PDE4D: variants seen among roughly 807,000 people sequenced by gnomAD.
PDE4D encodes the protein phosphodiesterase 4D, also known as 3',5'-cyclic-AMP phosphodiesterase 4D.
A neutral mutation model predicts 87.4 loss-of-function variants in PDE4D; 24 were observed. That is an observed-to-expected ratio of 0.27 (90% CI 0.20 to 0.39). The LOEUF is 0.39. Ranked by LOEUF, PDE4D falls within the 10% of genes least tolerant of loss-of-function variation. The pLI is 1.00. For missense variants in PDE4D, 714 were observed against 1,041.0 expected (o/e 0.69, Z 4.32); for synonymous variants, 384 against 383.2 (o/e 1.00, Z -0.02).
At chr5:59,576,565 T>C (rs1166143461) in intron 1 of PDE4D, among the ~76,000 whole-genome samples, 2 of 152,108 alleles carry the variant, frequency 1.3e-5, no homozygotes, top group Admixed American at 1.3e-4. Context: ...AAGTACCTAT[T>C]AAGTACAACA....
At chr5:60,357,933 T>G (rs1409200297) in intron 1 of PDE4D, among the ~76,000 whole-genome samples, 1 of 152,216 alleles carries the variant, frequency 6.6e-6, no homozygotes, top group South Asian at 2.1e-4. Flanking sequence ...GACCCTGCCT[T>G]TATTAACAAA....
chr5:59,017,763 C>T (rs1754332885), intron 6 of PDE4D, among the ~76,000 whole-genome samples: 1 of 152,140 alleles, frequency 6.6e-6, no homozygotes, highest in Non-Finnish European at 1.5e-5. Context: ...GAATTTAGTA[C>T]TCCTAGTTGG....
intron 6 of PDE4D, among the ~76,000 whole-genome samples, chr5:59,003,368 CA>C (rs1750929210): frequency 2.0e-5 from 3 of 152,206 alleles, no homozygotes; most frequent in Admixed American, 2.0e-4. Flanking sequence ...ATACAGCTGA[CA>C]ATCCCATCTC....
At position 60,363,866 on chromosome 5, in the gene PDE4D, G is replaced by T. The variant is rs575832568; in HGVS notation, c.-90+124076C>A. ...CACTGGAGATGATGTTGGAGAGAAA[G>T]GCAGAGGCCAGCCCGTGTAATTCAA... On this transcript the variant is annotated intron_variant, in intron 1 of 16. Transcript: ENST00000502484. 9.2e-5 allele frequency among the ~76,000 whole-genome samples: 14 copies of T among 152,336 alleles called. No homozygotes were observed. In the South Asian group the frequency reaches 2.9e-3, roughly 32 times the overall value.
intron 1 of PDE4D, among the ~76,000 whole-genome samples, chr5:59,683,430 A>T (rs1653879443): frequency 6.6e-6 from 1 of 152,232 alleles, no homozygotes; most frequent in African/African-American, 2.4e-5. Flanking sequence ...GCTTATAGAT[A>T]TTTAAAGTTA....
At chr5:60,211,459 G>T (rs537897360) in intron 1 of PDE4D, among the ~76,000 whole-genome samples, 4,067 of 149,122 alleles carry the variant, frequency 0.027, 198 homozygotes, top group African/African-American at 0.095. Flanking sequence ...TCTTGGGGGG[G>T]TGGGGTAGGG....
chr5:59,768,431 C>A, intron 1 of PDE4D: 1 of 1,598,398 alleles, frequency 6.3e-7, no homozygotes, highest in African/African-American at 1.3e-5. Context: ...ACAAGGTCTT[C>A]GTTCAGCCAC....
At chr5:59,601,892 G>T (rs1827562576) in intron 1 of PDE4D, among the ~76,000 whole-genome samples, 1 of 151,992 alleles carries the variant, frequency 6.6e-6, no homozygotes, top group Non-Finnish European at 1.5e-5. Flanking sequence ...TCAAAAACTT[G>T]ATGGGGTGGA....
chr5:59,417,595 A>C (rs1170142346), intron 1 of PDE4D, among the ~76,000 whole-genome samples: 2 of 151,980 alleles, frequency 1.3e-5, no homozygotes, highest in Admixed American at 1.3e-4. Flanking sequence ...ACTCAAGCTC[A>C]TGGCTAACTT....
At chr5:59,448,074 G>A (rs931354194) in intron 1 of PDE4D, among the ~76,000 whole-genome samples, 1 of 152,210 alleles carries the variant, frequency 6.6e-6, no homozygotes, top group Non-Finnish European at 1.5e-5. Context: ...CTGAAACAAA[G>A]AAGCTCATCG....
intron 3 of PDE4D, among the ~76,000 whole-genome samples, chr5:59,927,659 C>T (rs1481301434): frequency 6.6e-6 from 1 of 151,906 alleles, no homozygotes; most frequent in East Asian, 1.9e-4. Flanking sequence ...CTAATTAGTA[C>T]GAAGGCACAT....
At chr5:59,060,951 A>T (rs1037967448) in intron 5 of PDE4D, among the ~76,000 whole-genome samples, 5 of 152,160 alleles carry the variant, frequency 3.3e-5, no homozygotes, top group African/African-American at 1.2e-4. Context: ...ATGAAGAATA[A>T]CACTGCTTCC....
At chr5:59,779,927 A>T (rs1186111656) in intron 1 of PDE4D, among the ~76,000 whole-genome samples, 3 of 152,188 alleles carry the variant, frequency 2.0e-5, no homozygotes, top group African/African-American at 7.2e-5. Flanking sequence ...AGATTATTCA[A>T]TTTACACTCC....
intron 1 of PDE4D, among the ~76,000 whole-genome samples, chr5:59,616,943 A>ATATATATATATATATATATATATATC (rs1351290068): frequency 7.2e-6 from 1 of 139,158 alleles, no homozygotes; most frequent in African/African-American, 2.6e-5. Flanking sequence ...ATATATATAT[A>ATATATATATATATATATATATATATC]TATCTCCAAG....
chr5:60,089,877 A>G (rs1276692998), intron 2 of PDE4D, among the ~76,000 whole-genome samples: 2 of 151,820 alleles, frequency 1.3e-5, no homozygotes, highest in South Asian at 4.1e-4. Context: ...AAAGCAACAG[A>G]CAAGATTATG....
intron 1 of PDE4D, among the ~76,000 whole-genome samples, chr5:59,538,516 G>A (rs1288574693): frequency 1.3e-5 from 2 of 151,950 alleles, no homozygotes; most frequent in Admixed American, 6.6e-5. Flanking sequence ...GCCAGTTCCC[G>A]TTCAATCTAT....
At chr5:59,284,437 T>C (rs1470218914) in intron 1 of PDE4D, among the ~76,000 whole-genome samples, 1 of 152,090 alleles carries the variant, frequency 6.6e-6, no homozygotes, top group Non-Finnish European at 1.5e-5. Flanking sequence ...TTTTCATGTG[T>C]TTTTTGGCTG....
rs151099797 is a variant in PDE4D, at chr5:59,641,243, A to G, written c.455+251925T>C. Among the ~76,000 whole-genome samples the G allele has an allele frequency of 4.3e-3, 648 of 151,600 alleles. 9 individuals are homozygous for G. The highest frequency in any genetic ancestry group is 0.039 in the Admixed American group (590 of 15,200). ...ATTTAATGTATGTTTGGTGCCACTTAAAAAAAAAGTTTCATTGAGATGTAA... is the reference window on the plus strand; with the variant it reads ...ATTTAATGTATGTTTGGTGCCACTTGAAAAAAAAGTTTCATTGAGATGTAA... On this transcript the variant is annotated intron_variant, in intron 1 of 14. Transcript: ENST00000340635.
intron 1 of PDE4D, among the ~76,000 whole-genome samples, chr5:59,709,187 C>T (rs1753861953): frequency 6.6e-6 from 1 of 152,026 alleles, no homozygotes; most frequent in East Asian, 1.9e-4. Flanking sequence ...CCTGCAGCCC[C>T]GGGAAAAAGA....
Sources: gnomAD v4.1 joint callset for allele counts (sites outside exome capture counted in the v4.1 genomes callset) on GRCh38, gnomAD v4.1.1 for gene constraint, MANE v1.5 for transcripts, NCBI Gene and HGNC (gene_info 2026-07-23, HGNC 2026-07-21) for gene names.